HROB: variants seen among roughly 807,000 people sequenced by gnomAD.
HROB encodes the protein homologous recombination factor with OB-fold.
HROB carries 44 observed loss-of-function variants against 61.0 expected under a neutral mutation model. The ratio of observed to expected loss-of-function variants is 0.72; its 90% CI spans 0.57 to 0.93. The LOEUF (loss-of-function observed/expected upper bound fraction) is 0.93, where lower values mean the gene tolerates loss of function less well. Among genes scored for constraint, HROB ranks in the 40% least tolerant of loss-of-function variants. The probability of loss-of-function intolerance (pLI) is 0.00; values close to 1 mark genes in which losing one functional copy is unlikely to be tolerated. For missense variants in HROB, 716 were observed against 796.2 expected, an observed-to-expected ratio of 0.90 and a Z score of 1.21; for synonymous variants, 301 against 310.4, an observed-to-expected ratio of 0.97 and a Z score of 0.32.
At chr17:44,143,324 T>C (rs538181278) in intron 1 of HROB, among the ~76,000 whole-genome samples, 4 of 151,666 alleles carry the variant, frequency 2.6e-5, no homozygotes, top group East Asian at 4.0e-4. Context: ...GCCTGGGCAA[T>C]GTAGTGAGGC....
In HROB at chr17:44,155,544, T is replaced by C. The variant is rs561768895; in HGVS notation, c.1770+133T>C. On this transcript the variant is annotated intron_variant, in intron 8 of 9. Transcript: ENST00000585683. The stretch of plus-strand genomic sequence containing the variant: ...GGTGCTCTGAGGTGAAAAGGTATCT[T>C]TGGGGACAGGACCATCTCCTATCCC... 1.2e-5 allele frequency: 17 copies of C among 1,365,350 alleles called. No homozygotes were observed. In the African/African-American group the frequency reaches 1.9e-4, roughly 15 times the overall value. 84.6% of individuals were successfully genotyped at this position (1,365,350 alleles called of 1,614,324 possible). A position where few individuals can be genotyped will look rare whatever the true frequency, so the allele number is the denominator to read the frequency against.
intron 7 of HROB, 40 bp downstream of exon 7, chr17:44,154,978 G>A: frequency 6.3e-7 from 1 of 1,593,948 alleles, no homozygotes; most frequent in Non-Finnish European, 8.6e-7. Flanking sequence ...CCCCCGGATA[G>A]AGCCCTCAGT....
Position 44,157,872 on chromosome 17 carries a change from G to C in HROB, c.1810G>C (p.Glu604Gln), listed in dbSNP as rs201900381. The C allele has an allele frequency of 6.2e-7, 1 of 1,613,638 alleles. No homozygotes were observed. Among genetic ancestry groups the C allele is most frequent in the Admixed American group, 1.7e-5 (1 of 59,982 alleles). Residue 604 changes from glutamate (E) to glutamine (Q), a missense_variant, in exon 9 of 10, where the codon GAG (glutamate) becomes CAG (glutamine). Physicochemically the swap from Glu to Gln is conservative, Grantham distance 29. Transcript: ENST00000585683. ...SFQHDVAAKPEEGFRTAQNLE... is the reference protein window; with the variant it reads ...SFQHDVAAKPQEGFRTAQNLE... ...CCAGCATGATGTGGCTGCAAAGCCC[G>C]AGGAAGGCTTCAGAACAGCACAGAA...
At position 44,157,932 on chromosome 17, in the gene HROB, C is replaced by CCAG. The variant is rs1353154500; in HGVS notation, c.1871_1873dup (p.Pro624_Glu625insAla). On this transcript the variant is annotated inframe_insertion, in exon 9 of 10. Transcript: ENST00000585683. ...AGAGGCGTCCCCTGAGGAAGAACTC[C>CCAG]CAGAAGCAGGTAAAGCAGTCAGCCC... The CCAG allele has an allele frequency of 1.2e-6, 2 of 1,612,580 alleles. No individual in the cohort carries two copies. The highest frequency in any genetic ancestry group is 4.5e-5 in the East Asian group (2 of 44,796).
At chr17:44,159,079 C>T (rs1352539103) in intron 9 of HROB, among the ~76,000 whole-genome samples, 1 of 152,148 alleles carries the variant, frequency 6.6e-6, no homozygotes, top group Non-Finnish European at 1.5e-5. Flanking sequence ...CATGACCTAC[C>T]GTGCCCAGCC....
Position 44,148,258 on chromosome 17 carries a change from G to A in HROB, c.455G>A (p.Gly152Glu). 1 of 1,614,106 alleles carries A rather than the reference G, an allele frequency of 6.2e-7. No individual in the cohort carries two copies. The highest frequency in any genetic ancestry group is 8.5e-7 in the Non-Finnish European group (1 of 1,180,014). ...SQQQQVGGFE[G>E]PEQDEFDKVL... ...CAGCAGCAAGTTGGTGGCTTTGAGG[G>A]GCCTGAACAAGACGAATTTGATAAA... Residue 152 changes from glycine (G) to glutamate (E), a missense_variant, in exon 3 of 10, where the codon GGG (glycine) becomes GAG (glutamate). Gly to Glu is a moderately conservative substitution (Grantham distance 98). Transcript: ENST00000585683.
intron 4 of HROB, among the ~76,000 whole-genome samples, chr17:44,151,818 T>TTTATTATGTTATTTTATG (rs2053814599): frequency 6.6e-6 from 1 of 151,852 alleles, no homozygotes; most frequent in Non-Finnish European, 1.5e-5. Flanking sequence ...TTTATTTTAT[T>TTTATTATGTTATTTTATG]TTATTATGTT....
At chr17:44,143,988 T>C (rs1386361133) in intron 1 of HROB, among the ~76,000 whole-genome samples, 1 of 152,060 alleles carries the variant, frequency 6.6e-6, no homozygotes, top group East Asian at 1.9e-4. Flanking sequence ...CTTTCCTTTT[T>C]TTTTTTTAAG....
rs894949985 is a variant in HROB at position 44,141,948 on chromosome 17, T to A, written c.-195T>A. ...ACGCCCCAGTGGCGGCGTCTTCGAATGCGGCCTAAGGCGCCTGCCGCCAGT... is the reference window on the plus strand; with the variant it reads ...ACGCCCCAGTGGCGGCGTCTTCGAAAGCGGCCTAAGGCGCCTGCCGCCAGT... On this transcript the variant is annotated 5_prime_UTR_variant, in exon 1 of 10. It removes an upstream start codon present in the reference 5' UTR. Transcript: ENST00000585683. 7.5e-6 allele frequency: 5 copies of A among 668,316 alleles called. No homozygotes were observed. In the Admixed American group the frequency reaches 1.1e-4, roughly 15 times the overall value. 41.4% of individuals were successfully genotyped at this position (668,316 alleles called of 1,614,324 possible). A position where few individuals can be genotyped will look rare whatever the true frequency, so the allele number is the denominator to read the frequency against.
At chr17:44,143,187 C>T (rs2053509015) in intron 1 of HROB, among the ~76,000 whole-genome samples, 1 of 152,042 alleles carries the variant, frequency 6.6e-6, no homozygotes, top group Admixed American at 6.5e-5. Flanking sequence ...GTCCACCCGC[C>T]TTGGCGTCAC....
chr17:44,155,843 T>G (rs1305620146), intron 8 of HROB, among the ~76,000 whole-genome samples: 2 of 152,198 alleles, frequency 1.3e-5, no homozygotes, highest in Admixed American at 6.5e-5. Context: ...CATCTGCCTC[T>G]GCTAAATTAG....
At chr17:44,154,359 G>T (rs968432793) in intron 5 of HROB, 197 bp from the exon 6 acceptor site, 9 of 562,504 alleles carry the variant, frequency 1.6e-5, no homozygotes, top group Admixed American at 9.1e-5. Flanking sequence ...AACGGAGGCA[G>T]GGGAGAGAAA....
intron 3 of HROB, among the ~76,000 whole-genome samples, chr17:44,149,674 G>A (rs896154654): frequency 3.7e-4 from 56 of 152,146 alleles, no homozygotes; most frequent in African/African-American, 1.3e-3. Context: ...CATATAGCTG[G>A]GACTACAGGT....
At chr17:44,153,306 C>G (rs540689700) in intron 5 of HROB, among the ~76,000 whole-genome samples, 88 of 151,342 alleles carry the variant, frequency 5.8e-4, no homozygotes, top group African/African-American at 2.1e-3. Flanking sequence ...AAAAAAAAAT[C>G]AGCTGGATGT....
At chr17:44,160,552 A>G (rs1449211356) in intron 9 of HROB, among the ~76,000 whole-genome samples, 1 of 152,220 alleles carries the variant, frequency 6.6e-6, no homozygotes, top group Non-Finnish European at 1.5e-5. Context: ...TGGGCGACAG[A>G]GTAAGACTCC....
intron 2 of HROB, among the ~76,000 whole-genome samples, chr17:44,147,162 C>T (rs1294155065): frequency 1.3e-5 from 2 of 151,972 alleles, no homozygotes; most frequent in African/African-American, 4.8e-5. Flanking sequence ...AGGCCAGACA[C>T]CAGAAAGTGG....
At position 44,161,908 on chromosome 17, in the gene HROB, C is replaced by A. The variant is rs1248300441; in HGVS notation, c.1917C>A (p.Asp639Glu). The change falls in exon 10 of 10, where the codon GAC becomes GAA. Residue 639 changes from aspartate (D) to glutamate (E), a missense_variant. By Grantham distance (45) the Asp-to-Glu change is conservative. Transcript: ENST00000585683. The part of the protein sequence containing the change: ...LDGLLSELPE[D>E]FFCGTSS ...GACTCCTGAGTGAGCTTCCTGAAGA[C>A]TTCTTCTGTGGGACCAGTAGTTGAG... 3 of 1,613,988 alleles carry A rather than the reference C, an allele frequency of 1.9e-6. No homozygotes were observed.
chr17:44,160,523 G>A (rs897618546), intron 9 of HROB, among the ~76,000 whole-genome samples: 12 of 152,030 alleles, frequency 7.9e-5, no homozygotes, highest in African/African-American at 2.4e-4. Context: ...AGCCGAGATC[G>A]TGCCACTGCA....
At chr17:44,142,210 TG>T in intron 1 of HROB, 65 bp downstream of exon 1, 1 of 1,433,578 alleles carries the variant, frequency 7.0e-7, no homozygotes, top group Non-Finnish European at 9.1e-7. Context: ...GAACTGCTCA[TG>T]GGGTTCCAGC....
Sources: allele counts gnomAD v4.1 joint callset (sites outside exome capture counted in the v4.1 genomes callset), GRCh38; gene constraint gnomAD v4.1.1; transcripts MANE v1.5; gene names NCBI Gene and HGNC (gene_info 2026-07-23, HGNC 2026-07-21).